Variants in GABPB2 observed in about 807,000 individuals in gnomAD.
GABPB2 encodes the protein GA binding protein transcription factor subunit beta 2.
GABPB2 carries 23 observed loss-of-function variants against 39.1 expected under a neutral mutation model. The ratio of observed to expected loss-of-function variants is 0.59; its 90% confidence interval spans 0.42 to 0.83. GABPB2 has a LOEUF of 0.83. GABPB2 is among the 40% of genes least tolerant of loss of function. The pLI, the probability that GABPB2 is intolerant of heterozygous loss-of-function variation, is 0.00. For missense variants in GABPB2, 467 were observed against 541.1 expected (o/e 0.86, Z 1.36); for synonymous variants, 184 against 199.3 (o/e 0.92, Z 0.65).
chr1:151,112,173 G>A (rs184356620), intron 7 of GABPB2: 10,791 of 105,840 alleles, frequency 0.1, 611 homozygotes, highest in African/African-American at 0.18. Context: ...GCAGTGAGCC[G>A]AAATCACGCC....
chr1:151,076,751 G>A (rs193231459), intron 1 of GABPB2, among the ~76,000 whole-genome samples: 2 of 151,070 alleles, frequency 1.3e-5, no homozygotes, highest in East Asian at 3.9e-4. Flanking sequence ...TTTACTAAAG[G>A]CAAATCATGG....
At position 151,118,941 on chromosome 1, in the gene GABPB2, C is replaced by T. The variant is rs1681073317; in HGVS notation, c.*685C>T. 1 of 152,208 alleles carries T rather than the reference C, an allele frequency of 6.6e-6. No individual in the cohort carries two copies. 9.4% of individuals were successfully genotyped at this position (152,208 alleles called of 1,614,324 possible). A position where few individuals can be genotyped will look rare whatever the true frequency, so the allele number is the denominator to read the frequency against. ...CTGGGAGGACAGGCATATGCCACCA[C>T]ATCACTGAGAAGAAATTTTTGATTG... is the stretch of plus-strand genomic sequence containing the variant. On this transcript the variant is annotated 3_prime_UTR_variant, in exon 9 of 9. Coordinates refer to ENST00000368918, the MANE Select transcript of GABPB2 (RefSeq NM_144618.3).
intron 1 of GABPB2, among the ~76,000 whole-genome samples, chr1:151,078,576 G>C (rs587759152): frequency 1.3e-5 from 2 of 151,816 alleles, no homozygotes; most frequent in East Asian, 3.9e-4. Flanking sequence ...CTGGGCCACA[G>C]AGCAAGACTC....
At chr1:151,075,076 A>G (rs1677050521) in intron 1 of GABPB2, among the ~76,000 whole-genome samples, 1 of 151,960 alleles carries the variant, frequency 6.6e-6, no homozygotes, top group Admixed American at 6.6e-5. Flanking sequence ...TTAGAGGCAG[A>G]GGTTGTGGCG....
intron 5 of GABPB2, among the ~76,000 whole-genome samples, chr1:151,102,654 C>G (rs2101534710): frequency 6.6e-6 from 1 of 152,174 alleles, no homozygotes; most frequent in Non-Finnish European, 1.5e-5. Flanking sequence ...GTTGGCCAGG[C>G]TGGTCTCGAA....
chr1:151,098,490 GACCCTGTCTCTAAAAAAAAAAAAAAA>G (rs1218551888), intron 5 of GABPB2, among the ~76,000 whole-genome samples: 6 of 143,500 alleles, frequency 4.2e-5, no homozygotes, highest in African/African-American at 1.6e-4. Context: ...GACAGAGCAA[GACCCTGTCTCTAAAAAAAAAAAAAAA>G]AGGAAAATAT....
chr1:151,089,302 A>G (rs1678471776), intron 2 of GABPB2, among the ~76,000 whole-genome samples: 1 of 152,232 alleles, frequency 6.6e-6, no homozygotes, highest in Admixed American at 6.5e-5. Flanking sequence ...AGACCTGGAA[A>G]GAACAATGTG....
At chr1:151,113,400 C>T (rs372678884) in intron 7 of GABPB2, among the ~76,000 whole-genome samples, 5 of 145,330 alleles carry the variant, frequency 3.4e-5, no homozygotes, top group African/African-American at 1.3e-4. Flanking sequence ...ACCCCGGAGG[C>T]GGAGCTTGCA....
At chr1:151,076,217 A>G (rs1357940238) in intron 1 of GABPB2, among the ~76,000 whole-genome samples, 1 of 152,180 alleles carries the variant, frequency 6.6e-6, no homozygotes, top group Non-Finnish European at 1.5e-5. Flanking sequence ...GTTTTCCATG[A>G]ACTGGGCAAC....
At chr1:151,072,008 T>C (rs1359557426) in intron 1 of GABPB2, among the ~76,000 whole-genome samples, 1 of 152,262 alleles carries the variant, frequency 6.6e-6, no homozygotes, top group Non-Finnish European at 1.5e-5. Flanking sequence ...TATGGCTTAC[T>C]ATCAACGATG....
intron 1 of GABPB2, among the ~76,000 whole-genome samples, chr1:151,084,892 A>G (rs1678045416): frequency 6.6e-6 from 1 of 151,864 alleles, no homozygotes; most frequent in African/African-American, 2.4e-5. Context: ...TCTATTCATC[A>G]TTCCTTCATA....
At chr1:151,112,223 CAAAAAAAAAAAAAAA>C (rs55703915) in intron 7 of GABPB2, 2 of 40,800 alleles carry the variant, frequency 4.9e-5, no homozygotes, top group African/African-American at 2.2e-4. Context: ...GACTCCATCT[CAAAAAAAAAAAAAAA>C]AAAAAAAAAC....
At chr1:151,102,081 G>A (rs1331974069) in intron 5 of GABPB2, among the ~76,000 whole-genome samples, 1 of 152,210 alleles carries the variant, frequency 6.6e-6, no homozygotes, top group Non-Finnish European at 1.5e-5. Flanking sequence ...AGCACTTTGG[G>A]AGGCCGAAGC....
chr1:151,112,914 G>A (rs1680572084), intron 7 of GABPB2, among the ~76,000 whole-genome samples: 1 of 151,362 alleles, frequency 6.6e-6, no homozygotes, highest in African/African-American at 2.4e-5. Context: ...GGGACTACAG[G>A]TGTGCACCAC....
intron 1 of GABPB2, among the ~76,000 whole-genome samples, chr1:151,082,153 C>G (rs1677769328): frequency 6.7e-6 from 1 of 149,402 alleles, no homozygotes; most frequent in Non-Finnish European, 1.5e-5. Context: ...CTCGGCTCAC[C>G]ACAACCTCTA....
intron 7 of GABPB2, chr1:151,112,069 C>G (rs1680477785): frequency 6.8e-6 from 1 of 146,590 alleles, no homozygotes; most frequent in South Asian, 2.2e-4. Flanking sequence ...CTAAAAATAC[C>G]AAAAATTAGC....
intron 1 of GABPB2, among the ~76,000 whole-genome samples, chr1:151,074,536 G>T (rs1677005694): frequency 6.7e-6 from 1 of 149,552 alleles, no homozygotes; most frequent in Non-Finnish European, 1.5e-5. Flanking sequence ...AGCCAGGATG[G>T]TCTCGATCTC....
chr1:151,089,368 A>G (rs185420403), intron 2 of GABPB2, among the ~76,000 whole-genome samples: 2 of 152,362 alleles, frequency 1.3e-5, no homozygotes, highest in Admixed American at 1.3e-4. Flanking sequence ...AGAATAAACT[A>G]AACAGGCTTA....
At chr1:151,097,531 T>C (rs944777756) in intron 4 of GABPB2, among the ~76,000 whole-genome samples, 2 of 151,718 alleles carry the variant, frequency 1.3e-5, no homozygotes, top group Non-Finnish European at 2.9e-5. Context: ...CCTGTAATCC[T>C]ACCACTTTAG....
Sources: allele counts gnomAD v4.1 joint callset (sites outside exome capture counted in the v4.1 genomes callset), GRCh38; gene constraint gnomAD v4.1.1; transcripts MANE v1.5; gene names NCBI Gene and HGNC (gene_info 2026-07-23, HGNC 2026-07-21).